IL2RB: variants seen among roughly 807,000 people sequenced by gnomAD.
IL2RB encodes the protein interleukin 2 receptor subunit beta.
In IL2RB, 17 loss-of-function variants were observed where a neutral mutation model predicts 44.2. That is an observed-to-expected ratio of 0.38 (90% CI 0.26 to 0.58). The LOEUF is 0.58. IL2RB is among the 20% of genes least tolerant of loss of function. The probability of loss-of-function intolerance (pLI) is 0.63; values close to 1 mark genes in which losing one functional copy is unlikely to be tolerated. For missense variants in IL2RB, 624 were observed against 685.5 expected, an observed-to-expected ratio of 0.91 and a Z score of 1.00; for synonymous variants, 286 against 297.9, an observed-to-expected ratio of 0.96 and a Z score of 0.41.
At chr22:37,138,936 C>T (rs3218288) in intron 5 of IL2RB, 181 bp downstream of exon 5, 44,864 of 571,064 alleles carry the variant, frequency 0.079, 2,067 homozygotes, top group South Asian at 0.14. Flanking sequence ...GGATCCTGAG[C>T]GGCCTTGAAT....
chr22:37,148,658 C>T (rs190354887), intron 1 of IL2RB, among the ~76,000 whole-genome samples: 73 of 152,258 alleles, frequency 4.8e-4, no homozygotes, highest in Admixed American at 1.0e-3. Flanking sequence ...CTGCCCTGAG[C>T]GCTCGGGGGT....
At chr22:37,169,474 C>G (rs1418925477) in intron 1 of IL2RB, among the ~76,000 whole-genome samples, 1 of 152,192 alleles carries the variant, frequency 6.6e-6, no homozygotes, top group East Asian at 1.9e-4. Flanking sequence ...ATCCTTCACT[C>G]TGCATCCAGA....
intron 3 of IL2RB, 75 bp downstream of exon 3, chr22:37,143,446 T>C (rs1569046531): frequency 1.3e-5 from 13 of 976,328 alleles, no homozygotes; most frequent in Admixed American, 3.8e-5. Context: ...GTTGACTCCT[T>C]GGAGTCCAGT....
chr22:37,173,562 G>A (rs941191161), intron 1 of IL2RB, among the ~76,000 whole-genome samples: 8 of 152,098 alleles, frequency 5.3e-5, no homozygotes, highest in Non-Finnish European at 7.4e-5. Flanking sequence ...CACCTCCTAC[G>A]TACCAGTATT....
intron 9 of IL2RB, 54 bp downstream of exon 9, chr22:37,132,330 C>A (rs759308601): frequency 9.2e-6 from 13 of 1,411,478 alleles, no homozygotes; most frequent in Non-Finnish European, 1.3e-5. Flanking sequence ...CCTGCCACCC[C>A]CTCATCCCAC....
In IL2RB at chr22:37,133,757, C is replaced by T. The variant is rs183600470; in HGVS notation, c.819-1289G>A. 2.6e-3 allele frequency among the ~76,000 whole-genome samples: 392 copies of T among 152,314 alleles called. 2 individuals carry two copies. Among genetic ancestry groups the T allele is most frequent in the African/African-American group, 9.2e-3 (383 of 41,568 alleles). On this transcript the variant is annotated intron_variant, in intron 8 of 9. Transcript: ENST00000216223. The stretch of plus-strand genomic sequence containing the variant: ...CGGCACACGGCCCAGGTCCTCACCA[C>T]AGCCTGAGGCCCCAGGAAGCATCAC...
intron 1 of IL2RB, chr22:37,166,756 G>A (rs966979785): frequency 6.6e-6 from 1 of 152,210 alleles, no homozygotes; most frequent in Non-Finnish European, 1.5e-5. Context: ...GCAGGAGGGA[G>A]GTGAAGTCGC....
At chr22:37,144,471 C>T (rs1235031895) in intron 1 of IL2RB, among the ~76,000 whole-genome samples, 2 of 152,232 alleles carry the variant, frequency 1.3e-5, no homozygotes, top group Non-Finnish European at 2.9e-5. Flanking sequence ...CGTGGCCAGG[C>T]GTGTGGCTCA....
intron 1 of IL2RB, among the ~76,000 whole-genome samples, chr22:37,145,596 A>C (rs532133157): frequency 3.9e-5 from 6 of 152,040 alleles, no homozygotes; most frequent in African/African-American, 1.4e-4. Flanking sequence ...AAGTGAGCAC[A>C]TGGTCACTTC....
chr22:37,147,512 G>A (rs974994186), intron 1 of IL2RB, among the ~76,000 whole-genome samples: 5 of 152,236 alleles, frequency 3.3e-5, no homozygotes, highest in East Asian at 1.9e-4. Context: ...ATGCCAGCTC[G>A]TCTAAGCTGC....
chr22:37,136,334 G>A lies in IL2RB; in HGVS notation c.597C>T (p.Thr199=). ...CCTGAAACTCATACTGGGTGTCTGG[G>A]GTGAGCGTCTCCAGGCAGATCCATT... is the stretch of plus-strand genomic sequence containing the variant. ...KQEWICLETL[T]PDTQYEFQVR... is the part of the protein sequence containing the mutation. The change falls in exon 7 of 10, where the codon ACC becomes ACT. Residue 199 remains threonine (T), a synonymous_variant. Transcript: ENST00000216223. 1.9e-6 allele frequency: 3 copies of A among 1,613,026 alleles called. No individual in the cohort carries two copies. The highest frequency in any genetic ancestry group is 1.1e-5 in the South Asian group (1 of 90,836).
upstream of IL2RB, among the ~76,000 whole-genome samples, chr22:37,150,390 C>T (rs1191313644): frequency 6.6e-6 from 1 of 152,170 alleles, no homozygotes; most frequent in Non-Finnish European, 1.5e-5. Context: ...CCCAGCCTTC[C>T]AGGAAGCCCC....
chr22:37,137,090 C>T (rs1232282921), intron 6 of IL2RB, among the ~76,000 whole-genome samples: 3 of 152,328 alleles, frequency 2.0e-5, no homozygotes, highest in Admixed American at 2.0e-4. Context: ...GCCTGCCCTG[C>T]CCCAGTCTGA....
Position 37,141,507 on chromosome 22 carries a change from C to T in IL2RB, c.282+927G>A, listed in dbSNP as rs1324563262. Among the ~76,000 whole-genome samples the T allele has an allele frequency of 6.6e-6, 1 of 151,918 alleles. No individual in the cohort carries two copies. ...CAGTGTGAGTCGGGGACAAGCGGGA[C>T]CCCTGCCCCTTCCGAGGTAGCCAGG... On this transcript the variant is annotated intron_variant, in intron 4 of 9. Transcript: ENST00000216223. This position sits in a 1 kb window ranked among gnomAD's most constrained non-coding sequence, Gnocchi z 4.4.
chr22:37,174,364 C>T (rs770622834), intron 1 of IL2RB, among the ~76,000 whole-genome samples: 17 of 152,148 alleles, frequency 1.1e-4, no homozygotes, highest in Non-Finnish European at 2.1e-4. Context: ...ATGGTGGCTT[C>T]GGTTGTTTTT....
At chr22:37,143,383 A>G (rs900311642) in intron 3 of IL2RB, 138 bp downstream of exon 3, 15 of 615,548 alleles carry the variant, frequency 2.4e-5, no homozygotes, top group African/African-American at 2.4e-4. Flanking sequence ...CTGGGCCCCA[A>G]CTCCTGTGAT....
At chr22:37,131,824 C>A (rs1921445641) in intron 9 of IL2RB, among the ~76,000 whole-genome samples, 1 of 152,022 alleles carries the variant, frequency 6.6e-6, no homozygotes, top group Non-Finnish European at 1.5e-5. Context: ...GTAACCTCCG[C>A]CTCCTGGGTT....
chr22:37,131,571 C>T (rs1479086022), intron 9 of IL2RB, among the ~76,000 whole-genome samples: 5 of 152,164 alleles, frequency 3.3e-5, no homozygotes, highest in Admixed American at 6.5e-5. Context: ...CTCAAAGTGA[C>T]GGGAAGACTT....
Position 37,147,376 on chromosome 22 carries a change from TC to T in IL2RB, c.-34+2448del, listed in dbSNP as rs375411380. Among the ~76,000 whole-genome samples, 34 of 152,188 alleles carry T rather than the reference TC, an allele frequency of 2.2e-4. No homozygotes were observed. In the South Asian group the frequency reaches 6.4e-3, roughly 29 times the overall value. On this transcript the variant is annotated intron_variant, in intron 1 of 9. Coordinates refer to ENST00000216223, the MANE Select transcript of IL2RB (RefSeq NM_000878.5). ...GGCAGGGATCCTCCCCTCCTGGAAC[TC>T]CCCAGACGCATCTTCCCACCACGAC... is the stretch of plus-strand genomic sequence containing the variant.
Sources: allele counts gnomAD v4.1 joint callset (sites outside exome capture counted in the v4.1 genomes callset), GRCh38; gene constraint gnomAD v4.1.1; non-coding constraint Gnocchi (gnomAD v3.1); transcripts MANE v1.5; gene names NCBI Gene and HGNC (gene_info 2026-07-23, HGNC 2026-07-21).